Variants in CSRNP3 observed in about 807,000 individuals in gnomAD.
The protein encoded by CSRNP3 is cysteine/serine-rich nuclear protein 3.
A neutral mutation model predicts 48.0 loss-of-function variants in CSRNP3; 12 were observed. The ratio of observed to expected loss-of-function variants is 0.25; its 90% CI spans 0.16 to 0.41. The LOEUF (loss-of-function observed/expected upper bound fraction) is 0.41, where lower values mean the gene tolerates loss of function less well. Ranked by LOEUF, CSRNP3 falls within the 10% of genes least tolerant of loss-of-function variation. CSRNP3 has a pLI of 1.00. For missense variants in CSRNP3, 580 were observed against 724.4 expected (o/e 0.80, Z 2.29); for synonymous variants, 263 against 269.7 (o/e 0.98, Z 0.24).
intron 3 of CSRNP3, among the ~76,000 whole-genome samples, chr2:165,564,301 A>G (rs1432417480): frequency 7.8e-6 from 1 of 128,152 alleles, no homozygotes; most frequent in Non-Finnish European, 1.7e-5. Context: ...GCAATTATTT[A>G]AACAATATTC....
At chr2:165,666,029 G>A (rs1378602641) in intron 5 of CSRNP3, among the ~76,000 whole-genome samples, 3 of 51,990 alleles carry the variant, frequency 5.8e-5, no homozygotes, top group Non-Finnish European at 1.4e-4. Context: ...AAGAGAGAGA[G>A]AGGAAGGGAG....
Position 165,596,131 on chromosome 2 carries a change from T to C in CSRNP3, c.148+918T>C, listed in dbSNP as rs1014436012. ...CACTGCATCCAGCCTATGTTTTCTTTTTGATTTTTTTTTTTTTTTTTTTTG... is the reference window on the plus strand; with the variant it reads ...CACTGCATCCAGCCTATGTTTTCTTCTTGATTTTTTTTTTTTTTTTTTTTG... On this transcript the variant is annotated intron_variant, in intron 4 of 6. Transcript: ENST00000651982. 9.7e-4 allele frequency among the ~76,000 whole-genome samples: 137 copies of C among 141,494 alleles called. 1 individual carries two copies. The highest frequency in any genetic ancestry group is 3.4e-3 in the South Asian group (15 of 4,382). 92.8% of individuals were successfully genotyped at this position (141,494 alleles called of 152,430 possible).
At chr2:165,639,180 A>G (rs1159955260) in intron 4 of CSRNP3, among the ~76,000 whole-genome samples, 1 of 152,218 alleles carries the variant, frequency 6.6e-6, no homozygotes, top group Non-Finnish European at 1.5e-5. Flanking sequence ...CAGCACTGGT[A>G]CTTGGGGGCC....
At chr2:165,560,775 C>T (rs72877756) in intron 3 of CSRNP3, among the ~76,000 whole-genome samples, 1 of 152,136 alleles carries the variant, frequency 6.6e-6, no homozygotes, top group Non-Finnish European at 1.5e-5. Flanking sequence ...GTTAACTGCT[C>T]GATCAGATGT....
Position 165,680,183 on chromosome 2 carries a change from T to C in CSRNP3, c.*430T>C, listed in dbSNP as rs1206745599. ...TGACTTTTTAATGTAAAAGTAATTATTGTAAGAAAAAGATTTAATTGTTCC... is the reference window on the plus strand; with the variant it reads ...TGACTTTTTAATGTAAAAGTAATTACTGTAAGAAAAAGATTTAATTGTTCC... On this transcript the variant is annotated 3_prime_UTR_variant, in exon 7 of 7. Coordinates refer to ENST00000651982, the MANE Select transcript of CSRNP3 (RefSeq NM_001172173.2). 6.4e-6 allele frequency: 1 copy of C among 157,074 alleles called. No homozygotes were observed. The highest frequency in any genetic ancestry group is 1.4e-5 in the Non-Finnish European group (1 of 71,208). 9.7% of individuals were successfully genotyped at this position (157,074 alleles called of 1,614,324 possible).
intron 2 of CSRNP3, among the ~76,000 whole-genome samples, chr2:165,502,589 A>C (rs1317231830): frequency 6.6e-6 from 1 of 152,012 alleles, no homozygotes; most frequent in Non-Finnish European, 1.5e-5. Flanking sequence ...CCTCCAGAAG[A>C]CTTTACCAAT....
chr2:165,477,556 C>A (rs1004552807), intron 1 of CSRNP3, among the ~76,000 whole-genome samples: 42 of 146,618 alleles, frequency 2.9e-4, no homozygotes, highest in Admixed American at 2.6e-3. Flanking sequence ...GTAATCCCAG[C>A]TACTCAGGAG....
Position 165,599,283 on chromosome 2 carries a change from G to GAGAGAGAAAGAAAGAAAGAAAGAAAGAA in CSRNP3, c.148+4073_148+4074insGAGAAAGAAAGAAAGAAAGAAAGAAAGA, listed in dbSNP as rs1553478328. ...AAAGAAAAAGAAAGAAAGAGAGAGA[G>GAGAGAGAAAGAAAGAAAGAAAGAAAGAA]AGAAAGAAAGAAAGAAAGAAAGAAA... On this transcript the variant is annotated intron_variant, in intron 4 of 6. Coordinates refer to ENST00000651982, the MANE Select transcript of CSRNP3 (RefSeq NM_001172173.2). Among the ~76,000 whole-genome samples the GAGAGAGAAAGAAAGAAAGAAAGAAAGAA allele has an allele frequency of 1.6e-3, 172 of 104,812 alleles. 1 individual carries two copies. The highest frequency in any genetic ancestry group is 6.7e-3 in the South Asian group (19 of 2,818). 68.8% of individuals were successfully genotyped at this position (104,812 alleles called of 152,430 possible).
intron 5 of CSRNP3, among the ~76,000 whole-genome samples, chr2:165,662,011 A>G (rs1243225693): frequency 6.6e-6 from 1 of 152,112 alleles, no homozygotes; most frequent in Non-Finnish European, 1.5e-5. Flanking sequence ...CCAAATAGAG[A>G]ACACATTTAT....
At chr2:165,498,387 GATA>G (rs951692484) in intron 2 of CSRNP3, among the ~76,000 whole-genome samples, 3 of 152,034 alleles carry the variant, frequency 2.0e-5, no homozygotes, top group Non-Finnish European at 4.4e-5. Context: ...CTGAAAAAAA[GATA>G]ATATCTTTCT....
chr2:165,645,204 T>C (rs191023471), intron 4 of CSRNP3, among the ~76,000 whole-genome samples: 17 of 152,184 alleles, frequency 1.1e-4, no homozygotes, highest in Admixed American at 9.2e-4. Context: ...TGTGGTGGCA[T>C]GCACCTGTAA....
intron 4 of CSRNP3, among the ~76,000 whole-genome samples, chr2:165,603,535 CT>C (rs1003011367): frequency 1.4e-4 from 21 of 152,066 alleles, no homozygotes; most frequent in East Asian, 1.9e-4. Context: ...TCCTCATCCA[CT>C]TTTTTTTAAC....
intron 4 of CSRNP3, among the ~76,000 whole-genome samples, chr2:165,634,823 A>G (rs1449600199): frequency 6.6e-6 from 1 of 152,214 alleles, no homozygotes; most frequent in Non-Finnish European, 1.5e-5. Context: ...CTGCAGAGGA[A>G]AGTCATTCTC....
intron 3 of CSRNP3, among the ~76,000 whole-genome samples, chr2:165,583,558 G>T (rs1685580726): frequency 6.6e-6 from 1 of 152,114 alleles, no homozygotes; most frequent in East Asian, 1.9e-4. Context: ...CTGCAACTTG[G>T]TTTCTTTAAC....
chr2:165,604,825 T>C (rs1354509684), intron 4 of CSRNP3, among the ~76,000 whole-genome samples: 5 of 152,224 alleles, frequency 3.3e-5, no homozygotes, highest in Admixed American at 3.3e-4. Flanking sequence ...ATTTAGTTCT[T>C]GTTTGATTTG....
chr2:165,666,307 A>C (rs564512545), intron 5 of CSRNP3, among the ~76,000 whole-genome samples: 28 of 128,574 alleles, frequency 2.2e-4, no homozygotes, highest in Non-Finnish European at 3.5e-4. Context: ...AAGAGAGAGG[A>C]AGGAAGGAAA....
intron 4 of CSRNP3, among the ~76,000 whole-genome samples, chr2:165,646,645 G>A (rs1193575528): frequency 4.6e-5 from 7 of 152,076 alleles, no homozygotes; most frequent in Admixed American, 2.0e-4. Flanking sequence ...ATATTTCTCC[G>A]ATGGTGGTAA....
chr2:165,571,161 GC>G (rs892756794), intron 3 of CSRNP3, among the ~76,000 whole-genome samples: 1 of 151,672 alleles, frequency 6.6e-6, no homozygotes, highest in African/African-American at 2.4e-5. Flanking sequence ...ATTTATAAGT[GC>G]CGTTAAGTTA....
At chr2:165,621,542 C>T (rs2105318517) in intron 4 of CSRNP3, among the ~76,000 whole-genome samples, 1 of 152,194 alleles carries the variant, frequency 6.6e-6, no homozygotes, top group South Asian at 2.1e-4. Context: ...TGAAGTAGCA[C>T]AGAAGCAGAA....
Sources: allele counts gnomAD v4.1 joint callset (sites outside exome capture counted in the v4.1 genomes callset), GRCh38; gene constraint gnomAD v4.1.1; transcripts MANE v1.5; gene names NCBI Gene and HGNC (gene_info 2026-07-23, HGNC 2026-07-21).